The following HSP90AA1 variants were observed in gnomAD, a reference collection of about 807,000 sequenced individuals.
HSP90AA1 encodes the protein heat shock protein HSP 90-alpha.
In HSP90AA1, 18 loss-of-function variants were observed where a neutral mutation model predicts 73.3. The observed-to-expected ratio is 0.25, with a 90% CI of 0.17 to 0.36. HSP90AA1 has a LOEUF of 0.36. Among genes scored for constraint, HSP90AA1 ranks in the 10% least tolerant of loss-of-function variants. HSP90AA1 has a pLI of 1.00. For missense variants in HSP90AA1, 704 were observed against 874.2 expected (o/e 0.81, Z 2.45); for synonymous variants, 477 against 296.9 (o/e 1.61, Z -6.24).
intron 3 of HSP90AA1, 41 bp downstream of exon 3, chr14:102,085,717 C>T: frequency 6.2e-7 from 1 of 1,613,790 alleles, no homozygotes; most frequent in South Asian, 1.1e-5. Context: ...GCACCCCACC[C>T]TTCCACCGCT....
intron 1 of HSP90AA1, among the ~76,000 whole-genome samples, chr14:102,120,281 C>G (rs771901222): frequency 6.6e-6 from 1 of 152,080 alleles, no homozygotes; most frequent in South Asian, 2.1e-4. Flanking sequence ...ATCACTTGAG[C>G]TTGGGAGGAT....
chr14:102,137,406 AC>A (rs2050016058), intron 1 of HSP90AA1, among the ~76,000 whole-genome samples: 1 of 150,882 alleles, frequency 6.6e-6, no homozygotes, highest in Non-Finnish European at 1.5e-5. Flanking sequence ...GCTCATTGCA[AC>A]CTCCACCTCC....
intron 1 of HSP90AA1, among the ~76,000 whole-genome samples, chr14:102,129,225 C>T (rs1230519516): frequency 6.6e-6 from 1 of 151,398 alleles, no homozygotes; most frequent in African/African-American, 2.4e-5. Context: ...CAACCTCTGC[C>T]TCCAGGGTTC....
chr14:102,091,039 T>C (rs372928081), upstream of HSP90AA1, among the ~76,000 whole-genome samples: 46 of 152,188 alleles, frequency 3.0e-4, no homozygotes, highest in African/African-American at 9.6e-4. Flanking sequence ...GTCTTCTTCA[T>C]AGAGTGGTTA....
At chr14:102,089,588 A>G (rs2049325330), upstream of HSP90AA1, among the ~76,000 whole-genome samples, 2 of 151,994 alleles carry the variant, frequency 1.3e-5, no homozygotes, top group Non-Finnish European at 2.9e-5. Flanking sequence ...CTTTGCCCCC[A>G]GGAAATCTTG....
Position 102,084,857 on chromosome 14 carries a change from TTTC to T in HSP90AA1, c.802_804del (p.Glu268del), listed in dbSNP as rs746233442. ...TTCTTCTTCTTGTCACCATCCTTCT[TTTC>T]TTCTTCCTCATCAGAACCAACATCT... is the stretch of plus-strand genomic sequence containing the variant. On this transcript the variant is annotated inframe_deletion, in exon 5 of 11. Coordinates refer to ENST00000216281, the MANE Select transcript of HSP90AA1 (RefSeq NM_005348.4). 3.4e-4 allele frequency: 536 copies of T among 1,584,884 alleles called. 2 individuals are homozygous for T. The highest frequency in any genetic ancestry group is 6.5e-4 in the Admixed American group (39 of 59,806).
At chr14:102,136,888 A>T (rs910058517) in intron 1 of HSP90AA1, among the ~76,000 whole-genome samples, 2 of 126,690 alleles carry the variant, frequency 1.6e-5, no homozygotes, top group Admixed American at 1.6e-4. Flanking sequence ...GACTTCTCTT[A>T]AAAAAAAAAA....
chr14:102,139,050 C>A lies in HSP90AA1; in HGVS notation c.155+200G>T, dbSNP rs35619247. On this transcript the variant is annotated intron_variant, in intron 1 of 11. Transcript: ENST00000334701. ...CCTAAAAAGATTCAGTCCCCGGTTC[C>A]CAAAGCGCTTCCCCGCCCCGTGTTT... Among the ~76,000 whole-genome samples the A allele has an allele frequency of 3.1e-3, 473 of 152,214 alleles. 1 individual carries two copies. The highest frequency in any genetic ancestry group is 0.011 in the African/African-American group (447 of 41,530).
At position 102,086,086 on chromosome 14, in the gene HSP90AA1, G is replaced by A. The variant is rs758603070; in HGVS notation, c.201C>T (p.Pro67=). 10 of 1,613,812 alleles carry A rather than the reference G, an allele frequency of 6.2e-6. No individual in the cohort carries two copies. In the African/African-American group the frequency reaches 9.3e-5, roughly 15 times the overall value. ...DKIRYESLTD[P]SKLDSGKELH... is the part of the protein sequence containing the mutation. ...GCTCTTTCCCAGAGTCTAATTTACT[G>A]GGATCTGTCAAGCTTTCATACCGGA... The change falls in exon 3 of 11, where the codon CCC becomes CCT. Residue 67 remains proline, a synonymous_variant. Coordinates refer to ENST00000216281, the MANE Select transcript of HSP90AA1 (RefSeq NM_005348.4).
chr14:102,097,275 C>T (rs1028063491), intron 2 of HSP90AA1, among the ~76,000 whole-genome samples: 8 of 151,104 alleles, frequency 5.3e-5, no homozygotes, highest in Non-Finnish European at 1.0e-4. Flanking sequence ...TATGAGCCAC[C>T]GCGCCCAGCA....
chr14:102,086,516 G>A (rs1021702393), intron 1 of HSP90AA1, 138 bp from the exon 2 acceptor site: 6 of 982,796 alleles, frequency 6.1e-6, no homozygotes, highest in Admixed American at 1.9e-5. Flanking sequence ...TAGAAGGGCG[G>A]CTGACAAAGG....
chr14:102,096,113 C>T (rs1250267674), intron 2 of HSP90AA1, among the ~76,000 whole-genome samples: 1 of 152,208 alleles, frequency 6.6e-6, no homozygotes, highest in Non-Finnish European at 1.5e-5. Context: ...CAGCCCTGCC[C>T]ACAACCCACC....
intron 1 of HSP90AA1, among the ~76,000 whole-genome samples, chr14:102,134,322 CAAAAAAAAAA>C (rs57081266): frequency 1.4e-5 from 1 of 69,090 alleles, no homozygotes; most frequent in African/African-American, 5.9e-5. Context: ...GGCTCTGTCT[CAAAAAAAAAA>C]AAAAAAAAAA....
Position 102,136,940 on chromosome 14 carries a change from G to A in HSP90AA1, c.155+2310C>T, listed in dbSNP as rs967151209. Among the ~76,000 whole-genome samples, 8 of 151,682 alleles carry A rather than the reference G, an allele frequency of 5.3e-5. 1 individual carries two copies. The highest frequency in any genetic ancestry group is 2.6e-4 in the Admixed American group (4 of 15,188). On this transcript the variant is annotated intron_variant, in intron 1 of 11. Transcript: ENST00000334701. ...AGAAATACCTGGTTTGAGGCCGGGC[G>A]CGGTGGCTCACGCCTGTAATCCTAG...
intron 1 of HSP90AA1, among the ~76,000 whole-genome samples, chr14:102,123,018 TTAGAA>T (rs1280313680): frequency 1.3e-5 from 2 of 152,206 alleles, no homozygotes; most frequent in African/African-American, 4.8e-5. Context: ...CAAATGAAAC[TTAGAA>T]TAATTCTGAC....
chr14:102,118,850 CTTCCT>C (rs2049739426), intron 1 of HSP90AA1, among the ~76,000 whole-genome samples: 2 of 108,480 alleles, frequency 1.8e-5, no homozygotes, highest in African/African-American at 6.7e-5. Flanking sequence ...CTTGCTTTTC[CTTCCT>C]TTTTTTTTTT....
chr14:102,085,566 T>C, intron 3 of HSP90AA1, 135 bp from the exon 4 acceptor site: 1 of 1,196,016 alleles, frequency 8.4e-7, no homozygotes, highest in East Asian at 2.4e-5. Flanking sequence ...AGCAGAACCT[T>C]TTGGGCAAGG....
intron 1 of HSP90AA1, among the ~76,000 whole-genome samples, chr14:102,134,939 T>G (rs1438054814): frequency 2.0e-5 from 3 of 152,226 alleles, no homozygotes; most frequent in Non-Finnish European, 4.4e-5. Flanking sequence ...GGCCGCTGAT[T>G]GGTGCGTTTA....
intron 1 of HSP90AA1, among the ~76,000 whole-genome samples, chr14:102,130,878 C>T (rs535852420): frequency 1.3e-4 from 20 of 151,960 alleles, no homozygotes; most frequent in African/African-American, 4.3e-4. Context: ...TACACCACCA[C>T]GCTAATTTTT....
Sources: allele counts gnomAD v4.1 joint callset (sites outside exome capture counted in the v4.1 genomes callset), GRCh38; gene constraint gnomAD v4.1.1; transcripts MANE v1.5; gene names NCBI Gene and HGNC (gene_info 2026-07-23, HGNC 2026-07-21).